The following GPC6 variants were observed in gnomAD, a reference collection of about 807,000 sequenced individuals.
GPC6 encodes glypican 6, also known as glypican-6.
GPC6 carries 14 observed loss-of-function variants against 55.2 expected under a neutral mutation model. The ratio of observed to expected loss-of-function variants is 0.25; its 90% CI spans 0.17 to 0.40. The LOEUF (loss-of-function observed/expected upper bound fraction) is 0.40, where lower values mean the gene tolerates loss of function less well. Among genes scored for constraint, GPC6 ranks in the 10% least tolerant of loss-of-function variants. The pLI is 1.00. For missense variants in GPC6, 641 were observed against 708.5 expected (o/e 0.90, Z 1.08); for synonymous variants, 278 against 259.6 (o/e 1.07, Z -0.68).
At chr13:93,465,685 G>T (rs1361234959) in intron 1 of GPC6, among the ~76,000 whole-genome samples, 1 of 152,116 alleles carries the variant, frequency 6.6e-6, no homozygotes, top group Non-Finnish European at 1.5e-5. Context: ...GTTTCAGTTT[G>T]TTATTATTCG....
At chr13:94,237,486 G>T (rs1244919203) in intron 4 of GPC6, among the ~76,000 whole-genome samples, 1 of 152,150 alleles carries the variant, frequency 6.6e-6, no homozygotes, top group African/African-American at 2.4e-5. Context: ...AGGTCTCTTT[G>T]TAGGTGGGTG....
intron 2 of GPC6, among the ~76,000 whole-genome samples, chr13:93,648,262 G>A (rs938894270): frequency 8.6e-5 from 13 of 152,036 alleles, no homozygotes; most frequent in Non-Finnish European, 1.5e-4. Flanking sequence ...GAGAACACAT[G>A]GAAATCACAT....
chr13:93,689,887 T>A (rs1380521710), intron 2 of GPC6, among the ~76,000 whole-genome samples: 1 of 152,104 alleles, frequency 6.6e-6, no homozygotes, highest in Non-Finnish European at 1.5e-5. Context: ...CAGTCCAGTG[T>A]CTTAGATTAG....
chr13:93,282,719 T>C (rs190754766), intron 1 of GPC6, among the ~76,000 whole-genome samples: 496 of 149,002 alleles, frequency 3.3e-3, no homozygotes, highest in African/African-American at 0.011. Context: ...CCCCCTTCCA[T>C]GGAGATAATC....
intron 1 of GPC6, among the ~76,000 whole-genome samples, chr13:93,389,503 CAAAA>C (rs5805801): frequency 8.0e-6 from 1 of 124,254 alleles, no homozygotes. Context: ...GACTCCATCT[CAAAA>C]AAAAAAAAAA....
intron 2 of GPC6, among the ~76,000 whole-genome samples, chr13:93,633,094 A>G (rs2139574326): frequency 6.6e-6 from 1 of 152,144 alleles, no homozygotes; most frequent in Non-Finnish European, 1.5e-5. Context: ...TTTCTTATGC[A>G]TTTGTTGAAT....
At chr13:93,247,704 C>T (rs1439053692) in intron 1 of GPC6, among the ~76,000 whole-genome samples, 1 of 152,108 alleles carries the variant, frequency 6.6e-6, no homozygotes, top group Admixed American at 6.6e-5. Flanking sequence ...AAATACCTTA[C>T]AAATGGCAAA....
intron 4 of GPC6, among the ~76,000 whole-genome samples, chr13:94,147,655 A>G (rs1420562588): frequency 1.3e-5 from 2 of 152,120 alleles, no homozygotes; most frequent in Non-Finnish European, 2.9e-5. Context: ...AGATCAGATC[A>G]CTTACCCTGA....
In GPC6 at chr13:94,336,294, C is replaced by T. The variant is rs981419077; in HGVS notation, c.1152+30171C>T. ...TACATAGAGCTGTTGAAATATGAACCAAGCAGGGTGTGAACTAGCTCAAAA... is the reference window on the plus strand; with the variant it reads ...TACATAGAGCTGTTGAAATATGAACTAAGCAGGGTGTGAACTAGCTCAAAA... On this transcript the variant is annotated intron_variant, in intron 6 of 8. Coordinates refer to ENST00000377047, the MANE Select transcript of GPC6 (RefSeq NM_005708.5). 2.6e-5 allele frequency among the ~76,000 whole-genome samples: 4 copies of T among 152,076 alleles called. No homozygotes were observed. The South Asian group carries it at 8.3e-4, about 32-fold the overall frequency.
intron 4 of GPC6, among the ~76,000 whole-genome samples, chr13:94,080,336 G>A (rs1217649218): frequency 6.6e-6 from 1 of 152,138 alleles, no homozygotes; most frequent in Non-Finnish European, 1.5e-5. Flanking sequence ...AGAAAAAGCT[G>A]ATAAGTAATT....
Position 94,403,453 on chromosome 13 carries a change from A to T in GPC6, c.*236A>T, listed in dbSNP as rs1295668746. The T allele has an allele frequency of 3.7e-6, 2 of 537,486 alleles. No individual in the cohort carries two copies. The highest frequency in any genetic ancestry group is 6.7e-6 in the Non-Finnish European group (2 of 298,810). 33.3% of individuals were successfully genotyped at this position (537,486 alleles called of 1,614,324 possible). On this transcript the variant is annotated 3_prime_UTR_variant, in exon 9 of 9. Coordinates refer to ENST00000377047, the MANE Select transcript of GPC6 (RefSeq NM_005708.5). ...GGGGACCTTGTTTATTCTAGAGAGA[A>T]TTCTTACTCAAATTTTTCGTACCAG...
chr13:93,816,072 G>T (rs1886838183), intron 2 of GPC6, among the ~76,000 whole-genome samples: 2 of 152,040 alleles, frequency 1.3e-5, no homozygotes, highest in Non-Finnish European at 2.9e-5. Flanking sequence ...CCCACCAAAG[G>T]CTCTGTAGAG....
At chr13:94,358,127 T>C (rs1878885851) in intron 6 of GPC6, among the ~76,000 whole-genome samples, 1 of 151,816 alleles carries the variant, frequency 6.6e-6, no homozygotes, top group Non-Finnish European at 1.5e-5. Flanking sequence ...CCATCTCTAC[T>C]AAAAATACAA....
chr13:93,555,381 T>C (rs537892880), intron 2 of GPC6, among the ~76,000 whole-genome samples: 1 of 152,314 alleles, frequency 6.6e-6, no homozygotes, highest in East Asian at 1.9e-4. Flanking sequence ...TAATATGAAG[T>C]ATATTTAATA....
Position 94,339,053 on chromosome 13 carries a change from A to G in GPC6, c.1152+32930A>G, listed in dbSNP as rs575376774. ...CAAGGGTTCAGTGTGAAGGAGTGTT[A>G]TTTTAGGAGTTTTCCTTTTTTTTTT... On this transcript the variant is annotated intron_variant, in intron 6 of 8. Transcript: ENST00000377047. Among the ~76,000 whole-genome samples the G allele has an allele frequency of 4.0e-5, 6 of 151,394 alleles. No homozygotes were observed. In the South Asian group the frequency reaches 1.3e-3, roughly 32 times the overall value.
chr13:94,122,941 A>T (rs1398820108), intron 4 of GPC6, among the ~76,000 whole-genome samples: 1 of 152,104 alleles, frequency 6.6e-6, no homozygotes, highest in African/African-American at 2.4e-5. Flanking sequence ...AATGTTTCTA[A>T]GCTTCTGTCT....
At chr13:94,290,724 A>G (rs564730390) in intron 5 of GPC6, among the ~76,000 whole-genome samples, 7 of 152,322 alleles carry the variant, frequency 4.6e-5, no homozygotes, top group Admixed American at 1.3e-4. Flanking sequence ...ACTATAGTTT[A>G]GGTCAAGTAT....
chr13:94,125,709 C>T lies in GPC6; in HGVS notation c.877+97815C>T, dbSNP rs144908809. Among the ~76,000 whole-genome samples, 535 of 138,422 alleles carry T rather than the reference C, an allele frequency of 3.9e-3. 3 individuals carry two copies. The highest frequency in any genetic ancestry group is 6.3e-3 in the Non-Finnish European group (400 of 63,186). The allele number at this position is 138,422 out of a possible 152,430, so 90.8% of individuals were successfully genotyped here. ...CTCAGGTGTTGTCAAATTTTAAAGGCCAATTTCTTGCCTTTTTTTTTTTTT... is the reference window on the plus strand; with the variant it reads ...CTCAGGTGTTGTCAAATTTTAAAGGTCAATTTCTTGCCTTTTTTTTTTTTT... On this transcript the variant is annotated intron_variant, in intron 4 of 8. Coordinates refer to ENST00000377047, the MANE Select transcript of GPC6 (RefSeq NM_005708.5).
intron 6 of GPC6, among the ~76,000 whole-genome samples, chr13:94,328,001 A>T (rs1745657181): frequency 6.6e-6 from 1 of 152,160 alleles, no homozygotes; most frequent in African/African-American, 2.4e-5. Context: ...AAAAAATAGG[A>T]AAGGGTGATC....
Sources: allele counts gnomAD v4.1 joint callset (sites outside exome capture counted in the v4.1 genomes callset), GRCh38; gene constraint gnomAD v4.1.1; transcripts MANE v1.5; gene names NCBI Gene and HGNC (gene_info 2026-07-23, HGNC 2026-07-21).